FMN2: variants seen among roughly 807,000 people sequenced by gnomAD.
FMN2 encodes formin 2, also known as formin-2.
A neutral mutation model predicts 142.3 loss-of-function variants in FMN2; 51 were observed. The observed-to-expected ratio is 0.36, with a 90% CI of 0.29 to 0.45. The LOEUF (loss-of-function observed/expected upper bound fraction) is 0.45. FMN2 is among the 20% of genes least tolerant of loss of function. The pLI, the probability that FMN2 is intolerant of heterozygous loss-of-function variation, is 1.00. For synonymous variants in FMN2, 882 were observed against 869.8 expected (o/e 1.01, Z -0.25); for missense variants, 1,936 against 2,122.8 (o/e 0.91, Z 1.73).
chr1:240,093,526 G>C lies in FMN2; in HGVS notation c.1417G>C (p.Gly473Arg), dbSNP rs755308785. Residue 473 changes from glycine (G) to arginine (R), a missense_variant, in exon 1 of 18, where the codon GGC becomes CGC. By Grantham distance (125) the Gly-to-Arg change is moderately radical (BLOSUM62 -2). Around this residue, in one of 8 missense-constraint regions of FMN2, gnomAD observed 751 missense variants for 791.8 expected, o/e 0.95. Coordinates refer to ENST00000319653, the MANE Select transcript of FMN2 (RefSeq NM_020066.5). Reference protein sequence around the residue: ...AAPAKKHRADGGLAAGLSRSA... With the variant: ...AAPAKKHRADRGLAAGLSRSA... ...CCCGGCCAAGAAGCACCGGGCCGACGGCGGCCTTGCGGCCGGCCTGAGCCG... is the reference window on the plus strand; with the variant it reads ...CCCGGCCAAGAAGCACCGGGCCGACCGCGGCCTTGCGGCCGGCCTGAGCCG... 23 of 1,579,282 alleles carry C rather than the reference G, an allele frequency of 1.5e-5. No individual in the cohort carries two copies. The highest frequency in any genetic ancestry group is 1.9e-5 in the Non-Finnish European group (22 of 1,165,764).
At chr1:240,178,167 T>C (rs1486367815) in intron 3 of FMN2, 99 bp downstream of exon 3, 1 of 1,286,926 alleles carries the variant, frequency 7.8e-7, no homozygotes, top group East Asian at 2.8e-5. Flanking sequence ...TTATTTTTAA[T>C]TGCATGGCAT....
intron 16 of FMN2, among the ~76,000 whole-genome samples, chr1:240,449,561 TA>T (rs1457406261): frequency 1.1e-4 from 17 of 152,342 alleles, no homozygotes; most frequent in African/African-American, 4.1e-4. Flanking sequence ...AAGAACCGGC[TA>T]TAGAATTACA....
At chr1:240,381,928 A>T (rs576258893) in intron 14 of FMN2, among the ~76,000 whole-genome samples, 1 of 152,160 alleles carries the variant, frequency 6.6e-6, no homozygotes, top group Admixed American at 6.6e-5. Flanking sequence ...AAGGATGTCT[A>T]CTCTCACCAC....
At chr1:240,157,469 T>C (rs1664070304) in intron 2 of FMN2, among the ~76,000 whole-genome samples, 1 of 152,220 alleles carries the variant, frequency 6.6e-6, no homozygotes, top group South Asian at 2.1e-4. Context: ...GTTTTCACTT[T>C]TCAGAAGTAT....
intron 16 of FMN2, among the ~76,000 whole-genome samples, chr1:240,465,489 T>A (rs533571212): frequency 6.6e-6 from 1 of 152,194 alleles, no homozygotes; most frequent in South Asian, 2.1e-4. Context: ...TATTGTGAAC[T>A]GGTAGTAACG....
intron 6 of FMN2, among the ~76,000 whole-genome samples, chr1:240,242,054 C>T (rs1019950880): frequency 2.6e-5 from 4 of 151,910 alleles, no homozygotes; most frequent in African/African-American, 9.7e-5. Context: ...ACCGTGTTAG[C>T]CAGGATGGTC....
chr1:240,223,592 C>T (rs1205601557), intron 6 of FMN2, among the ~76,000 whole-genome samples: 1 of 152,064 alleles, frequency 6.6e-6, no homozygotes, highest in Admixed American at 6.6e-5. Context: ...TGGTAAAATT[C>T]GGCTGTGAAT....
intron 6 of FMN2, among the ~76,000 whole-genome samples, chr1:240,241,593 C>T (rs1273781143): frequency 6.6e-6 from 1 of 152,094 alleles, no homozygotes; most frequent in Non-Finnish European, 1.5e-5. Context: ...TTCTGTGACT[C>T]AATACATAAT....
Position 240,414,165 on chromosome 1 carries a change from A to G in FMN2, c.4910+21603A>G, listed in dbSNP as rs1414241575. ...CCTACGTGAGAAAGGGAGTTCTGTC[A>G]TAGTTCTGATTGTCAATGTCACCGA... On this transcript the variant is annotated intron_variant, in intron 15 of 17. Transcript: ENST00000319653. Among the ~76,000 whole-genome samples, 5 of 152,206 alleles carry G rather than the reference A, an allele frequency of 3.3e-5. No homozygotes were observed. The East Asian group carries it at 5.8e-4, about 18-fold the overall frequency.
At chr1:240,202,370 TACC>T (rs1398668832) in intron 4 of FMN2, among the ~76,000 whole-genome samples, 2 of 152,182 alleles carry the variant, frequency 1.3e-5, no homozygotes, top group African/African-American at 4.8e-5. Flanking sequence ...TGACCTCTGT[TACC>T]ACTAACTTGG....
At chr1:240,466,885 C>G (rs545383724) in intron 16 of FMN2, among the ~76,000 whole-genome samples, 3 of 152,078 alleles carry the variant, frequency 2.0e-5, no homozygotes, top group African/African-American at 7.2e-5. Flanking sequence ...GAGAAGCCTG[C>G]GACAACTGAA....
chr1:240,164,980 A>G (rs1340197982), intron 2 of FMN2, among the ~76,000 whole-genome samples: 2 of 152,196 alleles, frequency 1.3e-5, no homozygotes, highest in African/African-American at 2.4e-5. Context: ...TTTTTCTGCA[A>G]TATTTCCCAT....
At chr1:240,104,576 TCTG>T (rs1661534101) in intron 1 of FMN2, among the ~76,000 whole-genome samples, 1 of 152,220 alleles carries the variant, frequency 6.6e-6, no homozygotes, top group Non-Finnish European at 1.5e-5. Flanking sequence ...TTTGAATTAG[TCTG>T]CATTTTTCTA....
Position 240,315,532 on chromosome 1 carries a change from A to C in FMN2, c.4216-13544A>C, listed in dbSNP as rs1014865042. ...AACTTGAGTGATTCCAGATGGTATT[A>C]CATGAGTATTTGGCTCTGAATTTCT... On this transcript the variant is annotated intron_variant, in intron 8 of 17. Transcript: ENST00000319653. 2.0e-5 allele frequency among the ~76,000 whole-genome samples: 3 copies of C among 152,352 alleles called. No individual in the cohort carries two copies. The East Asian group carries it at 5.8e-4, about 29-fold the overall frequency.
intron 1 of FMN2, among the ~76,000 whole-genome samples, chr1:240,106,039 G>A (rs943539390): frequency 6.5e-4 from 99 of 152,084 alleles, no homozygotes; most frequent in African/African-American, 2.0e-3. Flanking sequence ...AATTTAGTAC[G>A]TTGTGTCTTA....
chr1:240,228,434 C>G (rs1452459314), intron 6 of FMN2, among the ~76,000 whole-genome samples: 1 of 149,128 alleles, frequency 6.7e-6, no homozygotes, highest in African/African-American at 2.5e-5. Flanking sequence ...TAAAAGGATA[C>G]TATTCAACAC....
At chr1:240,342,658 G>A (rs954021427) in intron 13 of FMN2, among the ~76,000 whole-genome samples, 2 of 152,026 alleles carry the variant, frequency 1.3e-5, no homozygotes, top group African/African-American at 4.8e-5. Context: ...GAATTTTATG[G>A]GTGAGTTGTT....
At chr1:240,135,838 C>A (rs1662916841) in intron 2 of FMN2, among the ~76,000 whole-genome samples, 2 of 151,952 alleles carry the variant, frequency 1.3e-5, no homozygotes, top group African/African-American at 4.8e-5. Flanking sequence ...TGCCACCATG[C>A]ACAGCTAATT....
At chr1:240,251,894 C>T (rs376249395) in intron 6 of FMN2, among the ~76,000 whole-genome samples, 80 of 152,152 alleles carry the variant, frequency 5.3e-4, no homozygotes, top group African/African-American at 1.8e-3. Flanking sequence ...TAATTGATTT[C>T]TGTATTTTAT....
Sources: allele counts gnomAD v4.1 joint callset (sites outside exome capture counted in the v4.1 genomes callset), GRCh38; gene constraint gnomAD v4.1.1; regional missense constraint gnomAD v4.1.1; transcripts MANE v1.5; gene names NCBI Gene and HGNC (gene_info 2026-07-23, HGNC 2026-07-21).